GREB1: variants seen among roughly 807,000 people sequenced by gnomAD.
The protein encoded by GREB1 is protein GREB1.
Under a neutral mutation model 200.7 loss-of-function variants are expected in GREB1, and 106 were observed. That is an observed-to-expected ratio of 0.53 (90% CI 0.45 to 0.62). GREB1 has a LOEUF of 0.62. Ranked by LOEUF, GREB1 falls within the 20% of genes least tolerant of loss-of-function variation. The pLI is 0.00. For missense variants in GREB1, 2,243 were observed against 2,556.8 expected (o/e 0.88, Z 2.65); for synonymous variants, 1,132 against 1,092.4 (o/e 1.04, Z -0.72).
chr2:11,630,627 C>T (rs1425680535), intron 26 of GREB1, among the ~76,000 whole-genome samples: 1 of 152,198 alleles, frequency 6.6e-6, no homozygotes, highest in Non-Finnish European at 1.5e-5. Context: ...CCTCTTCTGC[C>T]TTCCTGTTTT....
Position 11,637,834 on chromosome 2 carries a change from G to A in GREB1, c.5465G>A (p.Ser1822Asn), listed in dbSNP as rs1294825127. ...CTGGAGAAGTTCCTGCAGCACCACA[G>A]CCACCTCTTCTTCCCGCTGTCCCTG... ...LLLEKFLQHH[S>N]HLFFPLSLKN... The change falls in exon 31 of 33, where the codon AGC (serine) becomes AAC (asparagine). Residue 1822 changes from serine (S) to asparagine (N), a missense_variant. By Grantham distance (46) the Ser-to-Asn change is conservative (BLOSUM62 1). Transcript: ENST00000381486. 1 of 1,614,218 alleles carries A rather than the reference G, an allele frequency of 6.2e-7. No individual in the cohort carries two copies.
Position 11,600,989 on chromosome 2 carries a change from C to G in GREB1, c.2523C>G (p.Cys841Trp), listed in dbSNP as rs751254434. The G allele has an allele frequency of 1.9e-6, 3 of 1,608,164 alleles. No homozygotes were observed. In the East Asian group the frequency reaches 6.7e-5, roughly 36 times the overall value. Residue 841 changes from cysteine to tryptophan, a missense_variant, in exon 16 of 33, where the codon TGC (cysteine) becomes TGG (tryptophan). Around this residue, in one of 3 missense-constraint regions of GREB1, gnomAD observed 1,178 missense variants for 1,387.4 expected, o/e 0.85. Coordinates refer to ENST00000381486, the MANE Select transcript of GREB1 (RefSeq NM_014668.4). ...PYNEIHWPAS[C>W]SNGVDLYHEN... is the part of the protein sequence containing the mutation. ...ACGAGATCCACTGGCCTGCCTCCTG[C>G]AGTAATGTGAGTGCCACGGGGCTGC...
intron 32 of GREB1, among the ~76,000 whole-genome samples, chr2:11,639,171 C>T (rs148385470): frequency 0.013 from 2,036 of 152,340 alleles, 43 homozygotes; most frequent in African/African-American, 0.046. Context: ...CTCACTGCAA[C>T]TTCTGCCTCC....
At chr2:11,574,457 G>A (rs1015986599) in intron 4 of GREB1, among the ~76,000 whole-genome samples, 1 of 152,176 alleles carries the variant, frequency 6.6e-6, no homozygotes, top group Non-Finnish European at 1.5e-5. Context: ...TACAGGTGGG[G>A]CCCCCAGAGG....
At chr2:11,581,344 A>C (rs1375051632) in intron 7 of GREB1, 1 of 311,230 alleles carries the variant, frequency 3.2e-6, no homozygotes, top group Non-Finnish European at 5.9e-6. Context: ...GCAGCTCACT[A>C]ATCGGTACCG....
At chr2:11,606,427 T>C (rs1682298923) in intron 17 of GREB1, among the ~76,000 whole-genome samples, 1 of 152,224 alleles carries the variant, frequency 6.6e-6, no homozygotes, top group Non-Finnish European at 1.5e-5. Flanking sequence ...CAATGACTGA[T>C]GATGTTGAAC....
In GREB1 at chr2:11,629,959, C is replaced by T. The variant is rs745957255; in HGVS notation, c.4461C>T (p.Ser1487=). The T allele has an allele frequency of 2.0e-5, 33 of 1,613,978 alleles. No homozygotes were observed. In the East Asian group the frequency reaches 5.8e-4, roughly 28 times the overall value. Residue 1487 remains serine (S), a synonymous_variant, in exon 26 of 33, where the codon TCC becomes TCT. Coordinates refer to ENST00000381486, the MANE Select transcript of GREB1 (RefSeq NM_014668.4). This position sits in a 1 kb window ranked among gnomAD's most constrained non-coding sequence, Gnocchi z 5.2. Reference sequence around the variant, plus strand: ...CCCCCACACCCCAGCTGTATGAGTCCACCCTGCACGCCTTTGCCTTCTCTT... The same window carrying T: ...CCCCCACACCCCAGCTGTATGAGTCTACCCTGCACGCCTTTGCCTTCTCTT... ...GFHPRYQLYE[S]TLHAFAFSYS... is the part of the protein sequence containing the mutation.
rs191299256 is a variant in GREB1 at position 11,627,770 on chromosome 2, G to A, written c.4449+666G>A. On this transcript the variant is annotated intron_variant, in intron 25 of 32. Coordinates refer to ENST00000381486, the MANE Select transcript of GREB1 (RefSeq NM_014668.4). ...AAGCCACGCCTGCAAGCCACCCAAG[G>A]TGTGCTGGATGGGAGCTGTCCTATC... 2.6e-3 allele frequency among the ~76,000 whole-genome samples: 400 copies of A among 152,332 alleles called. 1 individual carries two copies. Among genetic ancestry groups the A allele is most frequent in the African/African-American group, 8.5e-3 (352 of 41,566 alleles).
chr2:11,638,741 G>A lies in GREB1; in HGVS notation c.5618G>A (p.Gly1873Glu). 1 of 1,614,074 alleles carries A rather than the reference G, an allele frequency of 6.2e-7. No homozygotes were observed. Among genetic ancestry groups the A allele is most frequent in the Non-Finnish European group, 8.5e-7 (1 of 1,179,966 alleles). Reference protein sequence around the residue: ...NISCSDLLFSGLLLYLCDSFV... With the variant: ...NISCSDLLFSELLLYLCDSFV... ...AGCTGCTCGGACTTGCTGTTCAGTG[G>A]GCTGCTGCTGTACCTCTGTGACTCT... Residue 1873 changes from glycine (G) to glutamate (E), a missense_variant, in exon 32 of 33, where the codon GGG becomes GAG. By Grantham distance (98) the Gly-to-Glu change is moderately conservative. Transcript: ENST00000381486.
At chr2:11,639,775 G>A (rs1286325255) in intron 32 of GREB1, among the ~76,000 whole-genome samples, 1 of 152,186 alleles carries the variant, frequency 6.6e-6, no homozygotes, top group East Asian at 1.9e-4. Context: ...GGGAGGACTG[G>A]ACACAAAGGT....
rs186460657 is a variant in GREB1 at position 11,565,721 on chromosome 2, C to T, written c.278-759C>T. ...GAATGAGAATCCCTGTGCTCTCGGC[C>T]GGCTCAGTGCCTGTGTCCTGGCCGC... On this transcript the variant is annotated intron_variant, in intron 3 of 32. Coordinates refer to ENST00000381486, the MANE Select transcript of GREB1 (RefSeq NM_014668.4). Among the ~76,000 whole-genome samples, 346 of 152,270 alleles carry T rather than the reference C, an allele frequency of 2.3e-3. 2 individuals carry two copies. The highest frequency in any genetic ancestry group is 7.1e-3 in the African/African-American group (294 of 41,540).
At chr2:11,517,565 G>A (rs1401782610) in intron 1 of GREB1, 1 of 152,084 alleles carries the variant, frequency 6.6e-6, no homozygotes, top group African/African-American at 2.4e-5. Context: ...GTGGGAACAG[G>A]GTCTTGGCTA....
chr2:11,576,370 G>A lies in GREB1; in HGVS notation c.472G>A (p.Val158Ile), dbSNP rs778957312. 2 of 1,613,040 alleles carry A rather than the reference G, an allele frequency of 1.2e-6. No homozygotes were observed. Among genetic ancestry groups the A allele is most frequent in the Admixed American group, 1.7e-5 (1 of 59,918 alleles). The part of the protein sequence containing the change: ...NALLGFSGNC[V>I]GCGKKGFCYF... ...TTCTCCAGGTTTCTCTGGGAATTGT[G>A]TTGGCTGTGGAAAGAAAGGCTTCTG... The change falls in exon 5 of 33, where the codon GTT (valine) becomes ATT (isoleucine). Residue 158 changes from valine to isoleucine, a missense_variant. Physicochemically the swap from Val to Ile is conservative, Grantham distance 29. This residue lies in a region of GREB1 where 1,178 missense variants were observed against 1,387.4 expected (regional missense o/e 0.85). Coordinates refer to ENST00000381486, the MANE Select transcript of GREB1 (RefSeq NM_014668.4).
chr2:11,596,556 C>G, intron 13 of GREB1, among the ~76,000 whole-genome samples: 1 of 33,210 alleles, frequency 3.0e-5, no homozygotes, highest in Admixed American at 4.2e-4. Context: ...CACAGGTGTG[C>G]ACAGTGAGAA....
At chr2:11,605,144 CTTTTTTTTT>C (rs3035991) in intron 17 of GREB1, among the ~76,000 whole-genome samples, 19 of 44,816 alleles carry the variant, frequency 4.2e-4, no homozygotes, top group East Asian at 2.0e-3. Flanking sequence ...GAGCCTGCTT[CTTTTTTTTT>C]TTTTTTTTTT....
At chr2:11,583,905 T>C (rs1013981390) in intron 7 of GREB1, among the ~76,000 whole-genome samples, 3 of 152,134 alleles carry the variant, frequency 2.0e-5, no homozygotes, top group Non-Finnish European at 4.4e-5. Context: ...GGTGTTTTTT[T>C]ACTGTCGTTT....
chr2:11,546,896 C>G (rs1279076595), intron 1 of GREB1, among the ~76,000 whole-genome samples: 2 of 151,452 alleles, frequency 1.3e-5, no homozygotes, highest in African/African-American at 4.9e-5. Context: ...AGATTTATAA[C>G]TCTGAAAGTG....
intron 1 of GREB1, among the ~76,000 whole-genome samples, chr2:11,537,712 AAT>A (rs1007788502): frequency 1.0e-4 from 15 of 147,512 alleles, no homozygotes; most frequent in Middle Eastern, 3.3e-3. Flanking sequence ...ATATTAGATA[AAT>A]ATATGATATT....
Position 11,614,160 on chromosome 2 carries a change from T to A in GREB1, c.3123-931T>A, listed in dbSNP as rs575577055. Among the ~76,000 whole-genome samples the A allele has an allele frequency of 4.1e-3, 598 of 146,168 alleles. 3 individuals carry two copies. Among genetic ancestry groups the A allele is most frequent in the Non-Finnish European group, 5.8e-3 (391 of 67,008 alleles). ...TTTTTTTTTTGAGACGGAGTCTCAC[T>A]CTGTTGCCCAGGCTGGAGTGCAGTG... is the stretch of plus-strand genomic sequence containing the variant. On this transcript the variant is annotated intron_variant, in intron 19 of 32. Coordinates refer to ENST00000381486, the MANE Select transcript of GREB1 (RefSeq NM_014668.4).
Sources: allele counts gnomAD v4.1 joint callset (sites outside exome capture counted in the v4.1 genomes callset), GRCh38; gene constraint gnomAD v4.1.1; regional missense constraint gnomAD v4.1.1; non-coding constraint Gnocchi (gnomAD v3.1); transcripts MANE v1.5; gene names NCBI Gene and HGNC (gene_info 2026-07-23, HGNC 2026-07-21).